Variants in BTK observed in about 807,000 individuals in gnomAD.
BTK encodes Bruton tyrosine kinase.
Under a neutral mutation model 57.4 loss-of-function variants are expected in BTK, and 5 were observed. The observed-to-expected ratio is 0.09, with a 90% CI of 0.05 to 0.18. The LOEUF (loss-of-function observed/expected upper bound fraction) is 0.18, where lower values mean the gene tolerates loss of function less well. Among genes scored for constraint, BTK ranks in the 10% least tolerant of loss-of-function variants. The pLI is 1.00. For missense variants in BTK, 194 were observed against 501.2 expected (o/e 0.39, Z 5.85); for synonymous variants, 154 against 174.3 (o/e 0.88, Z 0.92).
chrX:101,351,889 C>T (rs782419419), intron 18 of BTK, among the ~76,000 whole-genome samples: 123 of 112,139 alleles, frequency 1.1e-3, no homozygotes, highest in Non-Finnish European at 1.6e-3. Context: ...TTTAGCCGGG[C>T]GCTGTGGCTC....
chrX:101,365,384 C>A (rs1182604512), intron 5 of BTK, among the ~76,000 whole-genome samples: 1 of 112,272 alleles, frequency 8.9e-6, no homozygotes, highest in African/African-American at 3.2e-5. Flanking sequence ...CTAGCACACT[C>A]ATTAAGAAAC....
At chrX:101,377,390 G>T (rs1025749921) in intron 1 of BTK, among the ~76,000 whole-genome samples, 6 of 111,676 alleles carry the variant, frequency 5.4e-5, no homozygotes, top group African/African-American at 2.0e-4. Flanking sequence ...CACAATCAAA[G>T]ACTCAAATTA....
At chrX:101,353,833 T>C in intron 17 of BTK, 37 bp downstream of exon 17, 1 of 1,056,888 alleles carries the variant, frequency 9.5e-7, no homozygotes, top group South Asian at 1.9e-5. Context: ...TTTCTTATCC[T>C]TTGAGCTGTA....
At chrX:101,380,519 A>G (rs895429857) in intron 1 of BTK, among the ~76,000 whole-genome samples, 4 of 111,507 alleles carry the variant, frequency 3.6e-5, no homozygotes, top group African/African-American at 1.3e-4. Context: ...AAATTGTGCC[A>G]TATTGCCTCA....
At chrX:101,379,857 AACT>A (rs1927354594) in intron 1 of BTK, among the ~76,000 whole-genome samples, 1 of 112,073 alleles carries the variant, frequency 8.9e-6, no homozygotes, top group African/African-American at 3.2e-5. Flanking sequence ...TGTCTCTGGT[AACT>A]GTCAACTATA....
intron 1 of BTK, chrX:101,378,007 G>A (rs1927270132): frequency 1.1e-5 from 1 of 90,019 alleles, no homozygotes; most frequent in African/African-American, 5.0e-5. Context: ...CAGAAGGTTG[G>A]TGTGTAACAC....
chrX:101,349,516 C>A lies in BTK; in HGVS notation c.*369G>T, dbSNP rs988380991. 34 of 200,539 alleles carry A rather than the reference C, an allele frequency of 1.7e-4. No homozygotes were observed. The highest frequency in any genetic ancestry group is 8.7e-4 in the African/African-American group (30 of 34,400). The allele number at this position is 200,539 out of a possible 1,213,427, so 16.5% of individuals were successfully genotyped here. On this transcript the variant is annotated 3_prime_UTR_variant, in exon 19 of 19. Transcript: ENST00000308731. ...CCCTCCCATCTTTATGACACCATTT[C>A]ATTCTTGCCAAATTCGGTCCACCCC...
chrX:101,357,611 T>C (rs1555978034), intron 12 of BTK, 28 bp from the exon 13 acceptor site: 1 of 1,159,664 alleles, frequency 8.6e-7, no homozygotes, highest in South Asian at 1.8e-5. Context: ...GTCATGCTGT[T>C]GGTGTGGTGT....
chrX:101,374,222 T>C, intron 3 of BTK: 1 of 280,774 alleles, frequency 3.6e-6, no homozygotes, highest in Non-Finnish European at 6.4e-6. Context: ...CATTCAGACT[T>C]ACTTAAGCCT....
chrX:101,351,854 G>A (rs1233377212), intron 18 of BTK, among the ~76,000 whole-genome samples: 1 of 111,556 alleles, frequency 9.0e-6, no homozygotes, highest in Non-Finnish European at 1.9e-5. Flanking sequence ...TCCCTTTCAA[G>A]CAGTAGGTTT....
At position 101,371,769 on chromosome X, in the gene BTK, T is replaced by C. The variant is rs1194323084; in HGVS notation, c.241-68A>G. Reference sequence around the variant, plus strand: ...CTCTTTTCTGAATTTCCTTAGGTACTAGAAGCCTTTTGCTGTGGCTTCAGA... The same window carrying C: ...CTCTTTTCTGAATTTCCTTAGGTACCAGAAGCCTTTTGCTGTGGCTTCAGA... On this transcript the variant is annotated intron_variant, in intron 3 of 18. Transcript: ENST00000308731. 1.2e-5 allele frequency: 11 copies of C among 929,381 alleles called. No homozygotes were observed. In the African/African-American group the frequency reaches 1.3e-4, roughly 11 times the overall value. The allele number at this position is 929,381 out of a possible 1,213,427, so 76.6% of individuals were successfully genotyped here.
rs1555978779 is a variant in BTK at position 101,362,181 on chromosome X, C to T, written c.580G>A (p.Glu194Lys). Residue 194 changes from glutamate to lysine, a missense_variant, in exon 7 of 19, where the codon GAG becomes AAG. Coordinates refer to ENST00000308731, the MANE Select transcript of BTK (RefSeq NM_000061.3). Reference sequence around the variant, plus strand: ...CCAGTTTCCCTGTATACCTGGTCCTCCTCAGGCGTTGGGGGAAGAGGCTTT... The same window carrying T: ...CCAGTTTCCCTGTATACCTGGTCCTTCTCAGGCGTTGGGGGAAGAGGCTTT... ...TKKPLPPTPE[E>K]DQILKKPLPP... The T allele has an allele frequency of 3.3e-6, 4 of 1,211,745 alleles. No homozygotes were observed. Among genetic ancestry groups the T allele is most frequent in the Non-Finnish European group, 4.5e-6 (4 of 895,409 alleles).
intron 5 of BTK, among the ~76,000 whole-genome samples, chrX:101,365,091 T>C (rs1320009484): frequency 5.4e-5 from 6 of 111,419 alleles, no homozygotes; most frequent in African/African-American, 2.0e-4. Flanking sequence ...AAAGTCTGTC[T>C]GCCTTTTGTT....
At position 101,362,155 on chromosome X, in the gene BTK, C is replaced by T; in HGVS notation, c.588+18G>A. The T allele has an allele frequency of 3.3e-6, 4 of 1,209,132 alleles. No individual in the cohort carries two copies. Among genetic ancestry groups the T allele is most frequent in the Non-Finnish European group, 3.4e-6 (3 of 893,013 alleles). ...AGTTTCCATTTAAGCAGTGGCAGCACCCAGTTTCCCTGTATACCTGGTCCT... is the reference window on the plus strand; with the variant it reads ...AGTTTCCATTTAAGCAGTGGCAGCATCCAGTTTCCCTGTATACCTGGTCCT... On this transcript the variant is annotated intron_variant, in intron 7 of 18. Coordinates refer to ENST00000308731, the MANE Select transcript of BTK (RefSeq NM_000061.3).
intron 11 of BTK, 52 bp from the exon 12 acceptor site, chrX:101,358,489 C>T: frequency 8.3e-7 from 1 of 1,206,977 alleles, no homozygotes; most frequent in Non-Finnish European, 1.1e-6. Context: ...TCAACAGAAC[C>T]CAGGAAGTGA....
intron 5 of BTK, among the ~76,000 whole-genome samples, chrX:101,367,519 C>T (rs1373447942): frequency 3.7e-5 from 4 of 108,565 alleles, no homozygotes; most frequent in African/African-American, 1.3e-4. Flanking sequence ...GCCTGTCATC[C>T]CAACTACTCG....
chrX:101,383,771 A>G (rs1313478742), intron 1 of BTK, among the ~76,000 whole-genome samples: 5 of 111,419 alleles, frequency 4.5e-5, no homozygotes, highest in Non-Finnish European at 9.4e-5. Flanking sequence ...GAGCGGAGAG[A>G]AGAGCCTGGT....
upstream of BTK, among the ~76,000 whole-genome samples, chrX:101,390,066 A>G (rs1210348381): frequency 1.8e-5 from 2 of 112,071 alleles, no homozygotes; most frequent in African/African-American, 3.2e-5. Context: ...GATTCACTAA[A>G]TACCGTTGAC....
rs374083540 is a variant in BTK, at chrX:101,360,033, T to TAG, written c.839+54_839+55insCT. ...ATATAAATAAATAAATATATATATATATAGAGAGAGAGAGTTCCTCCTGGA... is the reference window on the plus strand; with the variant it reads ...ATATAAATAAATAAATATATATATATAGATAGAGAGAGAGAGTTCCTCCTGGA... On this transcript the variant is annotated intron_variant, in intron 9 of 18. Transcript: ENST00000308731. 1.9e-3 allele frequency: 974 copies of TAG among 502,106 alleles called. 3 individuals are homozygous for TAG. Among genetic ancestry groups the TAG allele is most frequent in the African/African-American group, 0.01 (418 of 40,084 alleles). The allele number at this position is 502,106 out of a possible 1,213,427, so 41.4% of individuals were successfully genotyped here.
Sources: gnomAD v4.1 joint callset for allele counts (sites outside exome capture counted in the v4.1 genomes callset) on GRCh38, gnomAD v4.1.1 for gene constraint, MANE v1.5 for transcripts, NCBI Gene and HGNC (gene_info 2026-07-23, HGNC 2026-07-21) for gene names.